The following JARID2 variants were observed in gnomAD, a reference collection of about 807,000 sequenced individuals.
JARID2 encodes jumonji and AT-rich interaction domain containing 2, also known as protein Jumonji.
In JARID2, 21 loss-of-function variants were observed where a neutral mutation model predicts 125.6. The observed-to-expected ratio is 0.17, with a 90% CI of 0.12 to 0.24. The LOEUF (loss-of-function observed/expected upper bound fraction) is 0.24, where lower values mean the gene tolerates loss of function less well. JARID2 is among the 10% of genes least tolerant of loss of function. The pLI is 1.00. For synonymous variants in JARID2, 736 were observed against 661.6 expected (o/e 1.11, Z -1.73); for missense variants, 1,303 against 1,639.6 (o/e 0.79, Z 3.55).
chr6:15,431,438 C>T (rs913861020), intron 3 of JARID2, among the ~76,000 whole-genome samples: 2 of 152,090 alleles, frequency 1.3e-5, no homozygotes, highest in Non-Finnish European at 2.9e-5. Flanking sequence ...GGGTATGGCT[C>T]CTTCAGCTTT....
At position 15,469,576 on chromosome 6, in the gene JARID2, G is replaced by GC. The variant is rs1247327306; in HGVS notation, c.670+863dup. ...TCCTCCTGAGTAGCTGGGACTACAG[G>GC]CCCCCACGTATTACAGACATGAGCC... On this transcript the variant is annotated intron_variant, in intron 5 of 17. Transcript: ENST00000341776. Among the ~76,000 whole-genome samples, 36 of 150,372 alleles carry GC rather than the reference G, an allele frequency of 2.4e-4. No individual in the cohort carries two copies. In the Middle Eastern group the frequency reaches 0.01, roughly 43 times the overall value.
intron 1 of JARID2, among the ~76,000 whole-genome samples, chr6:15,356,741 G>T (rs1481095308): frequency 1.3e-5 from 2 of 152,122 alleles, no homozygotes; most frequent in South Asian, 2.1e-4. Flanking sequence ...TGGGCTGGGC[G>T]CAGTGGCTTA....
intron 8 of JARID2, among the ~76,000 whole-genome samples, chr6:15,503,623 C>T (rs1489562986): frequency 5.9e-5 from 9 of 152,164 alleles, no homozygotes; most frequent in Admixed American, 5.9e-4. Flanking sequence ...AATGGAAGCT[C>T]CTCGAGGTTT....
chr6:15,265,527 G>T (rs1233197105), intron 1 of JARID2, among the ~76,000 whole-genome samples: 4 of 151,948 alleles, frequency 2.6e-5, no homozygotes, highest in Non-Finnish European at 5.9e-5. Context: ...GGCTCTGTGA[G>T]ATTTATTTTG....
At chr6:15,338,195 C>T (rs1415877250) in intron 1 of JARID2, among the ~76,000 whole-genome samples, 1 of 152,134 alleles carries the variant, frequency 6.6e-6, no homozygotes, top group Non-Finnish European at 1.5e-5. Flanking sequence ...GGAGGCCACT[C>T]GCTTTCTCTG....
At chr6:15,370,923 A>C (rs1758098032) in intron 1 of JARID2, among the ~76,000 whole-genome samples, 1 of 152,200 alleles carries the variant, frequency 6.6e-6, no homozygotes, top group African/African-American at 2.4e-5. Flanking sequence ...TGTGAACAGC[A>C]CTGAGTCAAC....
chr6:15,319,061 T>C (rs1438378436), intron 1 of JARID2, among the ~76,000 whole-genome samples: 2 of 152,232 alleles, frequency 1.3e-5, no homozygotes, highest in Non-Finnish European at 2.9e-5. Context: ...AAATTGGGCC[T>C]TTTGTATTTA....
At chr6:15,512,840 C>G in intron 14 of JARID2, 75 bp from the exon 15 acceptor site, 2 of 1,391,732 alleles carry the variant, frequency 1.4e-6, no homozygotes, top group Non-Finnish European at 2.0e-6. Context: ...CCTGCCTGCC[C>G]CCTCCACCAA....
At chr6:15,516,053 C>T (rs922840023) in intron 16 of JARID2, among the ~76,000 whole-genome samples, 2 of 150,570 alleles carry the variant, frequency 1.3e-5, no homozygotes, top group Non-Finnish European at 2.9e-5. Flanking sequence ...TTGACTTATA[C>T]GTTGACAGTT....
intron 3 of JARID2, among the ~76,000 whole-genome samples, chr6:15,415,543 C>CAGACGGGGT (rs1766120442): frequency 6.7e-6 from 1 of 148,564 alleles, no homozygotes; most frequent in African/African-American, 2.6e-5. Flanking sequence ...CCTCACCTCC[C>CAGACGGGGT]GGGCAGAGGC....
chr6:15,460,506 GT>G (rs1348620915), intron 4 of JARID2, among the ~76,000 whole-genome samples: 1 of 152,184 alleles, frequency 6.6e-6, no homozygotes, highest in African/African-American at 2.4e-5. Context: ...TGGCAGTGCT[GT>G]TTTGTTGGCC....
chr6:15,293,796 T>C (rs1157865507), intron 1 of JARID2, among the ~76,000 whole-genome samples: 2 of 152,238 alleles, frequency 1.3e-5, no homozygotes, highest in Non-Finnish European at 2.9e-5. Context: ...GTTGTTCTGC[T>C]TAAGTGGGTA....
chr6:15,508,894 T>C, intron 12 of JARID2: 1 of 1,128,700 alleles, frequency 8.9e-7, no homozygotes, highest in African/African-American at 1.6e-5. Flanking sequence ...TAACCAGTAG[T>C]AGTGACCGTG....
chr6:15,357,466 A>C (rs770461480), intron 1 of JARID2, among the ~76,000 whole-genome samples: 2 of 152,232 alleles, frequency 1.3e-5, no homozygotes, highest in East Asian at 1.9e-4. Context: ...TATAACTTCA[A>C]ACTGATACTC....
rs1554135863 is a variant in JARID2 at position 15,428,940 on chromosome 6, C to CCA, written c.323+18575_323+18576insCA. Among the ~76,000 whole-genome samples, 909 of 116,822 alleles carry CCA rather than the reference C, an allele frequency of 7.8e-3. 20 individuals are homozygous for CCA. The highest frequency in any genetic ancestry group is 0.02 in the African/African-American group (660 of 33,276). The allele number at this position is 116,822 out of a possible 152,430, so 76.6% of individuals were successfully genotyped here. The stretch of plus-strand genomic sequence containing the variant: ...ACAAAAAAAAAACAAACCCCCCCCC[C>CCA]AAAAAAAAAAAAAACTTCTAGAGTA... On this transcript the variant is annotated intron_variant, in intron 3 of 17. Transcript: ENST00000341776.
intron 2 of JARID2, among the ~76,000 whole-genome samples, chr6:15,388,118 T>A (rs1335898616): frequency 6.6e-6 from 1 of 152,196 alleles, no homozygotes; most frequent in Non-Finnish European, 1.5e-5. Flanking sequence ...ATCTTCGAAT[T>A]CTGTGATATG....
intron 1 of JARID2, among the ~76,000 whole-genome samples, chr6:15,256,300 C>G (rs568640637): frequency 6.6e-6 from 1 of 152,108 alleles, no homozygotes; most frequent in African/African-American, 2.4e-5. Context: ...CAAGGCTTTA[C>G]GGATTAGAAG....
intron 12 of JARID2, 63 bp downstream of exon 12, chr6:15,508,517 G>A: frequency 1.1e-6 from 1 of 878,280 alleles, no homozygotes. Flanking sequence ...ACATGAAGTG[G>A]GGCCTGTGGG....
chr6:15,360,214 A>T (rs145237529), intron 1 of JARID2, among the ~76,000 whole-genome samples: 1 of 151,756 alleles, frequency 6.6e-6, no homozygotes, highest in East Asian at 1.9e-4. Context: ...ACTGAGTCTC[A>T]CTGTGTAGCC....
Sources: gnomAD v4.1 joint callset for allele counts (sites outside exome capture counted in the v4.1 genomes callset) on GRCh38, gnomAD v4.1.1 for gene constraint, MANE v1.5 for transcripts, NCBI Gene and HGNC (gene_info 2026-07-23, HGNC 2026-07-21) for gene names.